The following GRID1 variants were observed in gnomAD, a reference collection of about 807,000 sequenced individuals.
The protein encoded by GRID1 is glutamate receptor ionotropic, delta-1.
A neutral mutation model predicts 98.0 loss-of-function variants in GRID1; 28 were observed. The ratio of observed to expected loss-of-function variants is 0.29; its 90% CI spans 0.21 to 0.39. The LOEUF is 0.39. Ranked by LOEUF, GRID1 falls within the 10% of genes least tolerant of loss-of-function variation. The pLI is 1.00. For synonymous variants in GRID1, 553 were observed against 538.5 expected (o/e 1.03, Z -0.37); for missense variants, 1,111 against 1,340.5 (o/e 0.83, Z 2.67).
intron 4 of GRID1, among the ~76,000 whole-genome samples, chr10:86,049,220 C>A (rs573858875): frequency 6.6e-6 from 1 of 152,196 alleles, no homozygotes; most frequent in Non-Finnish European, 1.5e-5. Flanking sequence ...AGGCCTCCAG[C>A]AGCCTCTTAA....
chr10:85,947,448 T>C (rs1327885201), intron 4 of GRID1, among the ~76,000 whole-genome samples: 1 of 152,202 alleles, frequency 6.6e-6, no homozygotes, highest in Admixed American at 6.5e-5. Context: ...TAAAAATATG[T>C]ATGTAGAGCA....
intron 2 of GRID1, among the ~76,000 whole-genome samples, chr10:86,308,081 T>G (rs1179106622): frequency 6.6e-6 from 1 of 152,038 alleles, no homozygotes; most frequent in Non-Finnish European, 1.5e-5. Flanking sequence ...ACCACCATTC[T>G]TCATCCCCAC....
intron 4 of GRID1, among the ~76,000 whole-genome samples, chr10:86,099,844 C>T (rs1844270596): frequency 6.6e-6 from 1 of 152,174 alleles, no homozygotes; most frequent in South Asian, 2.1e-4. Context: ...CTGGGGGTGG[C>T]ACAGGACAGC....
chr10:85,618,837 C>T (rs972870480), intron 14 of GRID1, among the ~76,000 whole-genome samples: 15 of 152,224 alleles, frequency 9.9e-5, no homozygotes, highest in African/African-American at 3.6e-4. Flanking sequence ...GCTCTGCCAG[C>T]AGCTGGCTCA....
chr10:86,301,856 C>T lies in GRID1; in HGVS notation c.235+62085G>A, dbSNP rs967174785. 3.3e-5 allele frequency among the ~76,000 whole-genome samples: 5 copies of T among 152,240 alleles called. No homozygotes were observed. The South Asian group carries it at 6.2e-4, about 19-fold the overall frequency. On this transcript the variant is annotated intron_variant, in intron 2 of 15. Coordinates refer to ENST00000327946, the MANE Select transcript of GRID1 (RefSeq NM_017551.3). Reference sequence around the variant, plus strand: ...GCAGATGTTCACAGCCCTCGGATAACAGCTTTCTGATTCAACAGATCAAAC... The same window carrying T: ...GCAGATGTTCACAGCCCTCGGATAATAGCTTTCTGATTCAACAGATCAAAC...
chr10:86,017,274 T>A (rs1019586456), intron 4 of GRID1, among the ~76,000 whole-genome samples: 5 of 152,212 alleles, frequency 3.3e-5, no homozygotes, highest in Admixed American at 6.5e-5. Flanking sequence ...TCAAGAGACA[T>A]GTATAACCTG....
chr10:85,960,328 G>A (rs12765721), intron 4 of GRID1, among the ~76,000 whole-genome samples: 18,808 of 152,284 alleles, frequency 0.12, 1,528 homozygotes, highest in Non-Finnish European at 0.18. Flanking sequence ...AGCAAAGCTG[G>A]CAAAGTTTTA....
chr10:86,043,139 A>C (rs886840793), intron 4 of GRID1, among the ~76,000 whole-genome samples: 5 of 152,148 alleles, frequency 3.3e-5, no homozygotes, highest in African/African-American at 1.2e-4. Flanking sequence ...GTGGAGTTAC[A>C]TACCTTCGTA....
At chr10:86,362,596 G>A (rs1000894569) in intron 2 of GRID1, among the ~76,000 whole-genome samples, 2 of 152,144 alleles carry the variant, frequency 1.3e-5, no homozygotes, top group Admixed American at 6.5e-5. Context: ...TCAGTCCCCA[G>A]AAGTAGTCCC....
intron 3 of GRID1, among the ~76,000 whole-genome samples, chr10:86,158,038 T>C (rs541531144): frequency 2.0e-5 from 3 of 152,242 alleles, no homozygotes; most frequent in Non-Finnish European, 4.4e-5. Context: ...CAGGATTTTC[T>C]GCTGTGTCAT....
chr10:86,144,020 T>G (rs936351955), intron 3 of GRID1, among the ~76,000 whole-genome samples: 3 of 152,174 alleles, frequency 2.0e-5, no homozygotes, highest in African/African-American at 7.2e-5. Context: ...CACCCGTTCC[T>G]TCTTCCCCTA....
intron 8 of GRID1, among the ~76,000 whole-genome samples, chr10:85,829,510 C>G (rs1223855687): frequency 1.3e-5 from 2 of 152,228 alleles, no homozygotes; most frequent in East Asian, 1.9e-4. Context: ...GGAAGTCAAA[C>G]TATCTCTGTT....
intron 2 of GRID1, among the ~76,000 whole-genome samples, chr10:86,268,355 T>C (rs1307885995): frequency 6.6e-6 from 1 of 152,224 alleles, no homozygotes; most frequent in Non-Finnish European, 1.5e-5. Context: ...CCAACAGCAT[T>C]TGGATACTGG....
At chr10:85,767,039 G>A (rs78872918) in intron 8 of GRID1, among the ~76,000 whole-genome samples, 3,133 of 152,108 alleles carry the variant, frequency 0.021, 41 homozygotes, top group Middle Eastern at 0.051. Flanking sequence ...TCAAATCCAC[G>A]TCTGTCATTG....
chr10:86,284,773 A>C (rs1428072131), intron 2 of GRID1, among the ~76,000 whole-genome samples: 2 of 152,246 alleles, frequency 1.3e-5, no homozygotes, highest in African/African-American at 4.8e-5. Flanking sequence ...AGGAGCCAAA[A>C]TCCCAGGTCA....
intron 10 of GRID1, 63 bp from the exon 11 acceptor site, chr10:85,724,739 G>A (rs1841743571): frequency 7.3e-7 from 1 of 1,367,480 alleles, no homozygotes; most frequent in Non-Finnish European, 1.0e-6. Context: ...TTCTGCCCTG[G>A]GTCAAGGTCC....
At chr10:85,719,919 T>A (rs1841681447) in intron 12 of GRID1, among the ~76,000 whole-genome samples, 1 of 152,152 alleles carries the variant, frequency 6.6e-6, no homozygotes, top group Admixed American at 6.5e-5. Context: ...GAATGATCCG[T>A]GAAAGAACAA....
chr10:86,123,910 G>A (rs981814610), intron 4 of GRID1, among the ~76,000 whole-genome samples: 1 of 152,204 alleles, frequency 6.6e-6, no homozygotes, highest in African/African-American at 2.4e-5. Flanking sequence ...CACAAAGCAG[G>A]AGCCAGCGTG....
At chr10:85,963,131 G>A (rs190470711) in intron 4 of GRID1, among the ~76,000 whole-genome samples, 3 of 151,914 alleles carry the variant, frequency 2.0e-5, no homozygotes, top group Admixed American at 2.0e-4. Flanking sequence ...ATGGATTCCA[G>A]AACATGTTCC....
Sources: allele counts gnomAD v4.1 joint callset (sites outside exome capture counted in the v4.1 genomes callset), GRCh38; gene constraint gnomAD v4.1.1; transcripts MANE v1.5; gene names NCBI Gene and HGNC (gene_info 2026-07-23, HGNC 2026-07-21).